ARHGAP26: variants seen among roughly 807,000 people sequenced by gnomAD.
The protein encoded by ARHGAP26 is Rho GTPase activating protein 26.
A neutral mutation model predicts 104.8 loss-of-function variants in ARHGAP26; 38 were observed. That is an observed-to-expected ratio of 0.36 (90% confidence interval 0.28 to 0.48). ARHGAP26 has a LOEUF of 0.48. Ranked by LOEUF, ARHGAP26 falls within the 20% of genes least tolerant of loss-of-function variation. The pLI is 0.99. For missense variants in ARHGAP26, 704 were observed against 947.9 expected (o/e 0.74, Z 3.38); for synonymous variants, 341 against 340.0 (o/e 1.00, Z -0.03).
At chr5:143,020,955 A>G (rs1780266555) in intron 12 of ARHGAP26, among the ~76,000 whole-genome samples, 2 of 152,172 alleles carry the variant, frequency 1.3e-5, no homozygotes, top group Non-Finnish European at 2.9e-5. Flanking sequence ...TAGTGCTTTT[A>G]TAAGAATCCT....
intron 17 of ARHGAP26, among the ~76,000 whole-genome samples, chr5:143,103,831 A>G (rs1012120932): frequency 7.2e-5 from 11 of 152,150 alleles, no homozygotes; most frequent in Admixed American, 3.9e-4. Context: ...CTTGGGAGAA[A>G]TACCTAATGT....
At chr5:142,929,931 G>A (rs1387697015) in intron 10 of ARHGAP26, among the ~76,000 whole-genome samples, 3 of 152,208 alleles carry the variant, frequency 2.0e-5, no homozygotes, top group Admixed American at 2.0e-4. Context: ...GGAACAGGAA[G>A]GAAAAGAGTA....
chr5:143,106,090 G>C (rs567757194), intron 17 of ARHGAP26, among the ~76,000 whole-genome samples: 22 of 152,254 alleles, frequency 1.4e-4, no homozygotes, highest in Non-Finnish European at 2.5e-4. Flanking sequence ...TTTGTTGTTT[G>C]TCTTGTTTCC....
At chr5:142,785,977 A>ATT (rs71576155) in intron 1 of ARHGAP26, among the ~76,000 whole-genome samples, 80 of 138,484 alleles carry the variant, frequency 5.8e-4, no homozygotes, top group African/African-American at 1.9e-3. Context: ...GATCCCTGGT[A>ATT]TTTTTTTTTT....
chr5:142,949,216 AGAGAGGAGAGAGAGAG>A (rs1767857113), intron 11 of ARHGAP26, among the ~76,000 whole-genome samples: 2 of 72,036 alleles, frequency 2.8e-5, no homozygotes, highest in Admixed American at 1.2e-4. Flanking sequence ...AGAGAGAGAG[AGAGAGGAGAGAGAGAG>A]GAGAGAGAGA....
chr5:143,067,042 C>G (rs1043102570), intron 17 of ARHGAP26, among the ~76,000 whole-genome samples: 1 of 151,904 alleles, frequency 6.6e-6, no homozygotes, highest in Non-Finnish European at 1.5e-5. Flanking sequence ...TGCCCCTCCC[C>G]CTCCCGCTTC....
chr5:142,958,049 T>C (rs1562154267), intron 11 of ARHGAP26, among the ~76,000 whole-genome samples: 2 of 152,174 alleles, frequency 1.3e-5, no homozygotes, highest in Admixed American at 6.5e-5. Context: ...TTGAAAAAAC[T>C]GAAAGGACAG....
intron 20 of ARHGAP26, among the ~76,000 whole-genome samples, chr5:143,191,789 A>G (rs956174686): frequency 6.6e-6 from 1 of 152,190 alleles, no homozygotes; most frequent in Non-Finnish European, 1.5e-5. Flanking sequence ...GTTTATGCCC[A>G]ATGTGCCTGT....
At chr5:143,054,415 T>C in intron 14 of ARHGAP26, 24 bp from the exon 15 acceptor site, 2 of 1,560,972 alleles carry the variant, frequency 1.3e-6, no homozygotes, top group Non-Finnish European at 1.8e-6. Context: ...CTGTGCTTTA[T>C]GTATTGTCTT....
intron 12 of ARHGAP26, among the ~76,000 whole-genome samples, chr5:143,021,706 G>A (rs1412789574): frequency 1.3e-5 from 2 of 152,180 alleles, no homozygotes; most frequent in Non-Finnish European, 2.9e-5. Context: ...TGAAAGTTCA[G>A]CACATTAGTA....
At chr5:143,087,937 C>A (rs1790841677) in intron 17 of ARHGAP26, among the ~76,000 whole-genome samples, 1 of 152,146 alleles carries the variant, frequency 6.6e-6, no homozygotes, top group South Asian at 2.1e-4. Context: ...GCATGAGCCA[C>A]CACGCCTGGC....
At chr5:142,861,607 C>T (rs762553310) in intron 1 of ARHGAP26, among the ~76,000 whole-genome samples, 1 of 152,012 alleles carries the variant, frequency 6.6e-6, no homozygotes, top group Non-Finnish European at 1.5e-5. Flanking sequence ...CTTCATTGTC[C>T]TTTCATTTTT....
In ARHGAP26 at chr5:143,122,030, A is replaced by G. The variant is rs149672739; in HGVS notation, c.1698+883A>G. On this transcript the variant is annotated intron_variant, in intron 18 of 22. Transcript: ENST00000645722. The stretch of plus-strand genomic sequence containing the variant: ...TACACTGATAATGTTGTAAGCCACC[A>G]CTACCTCTTGTCTGACTTTTTACAA... Among the ~76,000 whole-genome samples, 13 of 152,230 alleles carry G rather than the reference A, an allele frequency of 8.5e-5. No individual in the cohort carries two copies. The East Asian group carries it at 2.5e-3, about 29-fold the overall frequency.
intron 14 of ARHGAP26, among the ~76,000 whole-genome samples, chr5:143,051,390 C>A (rs1055386474): frequency 1.3e-5 from 2 of 152,188 alleles, no homozygotes; most frequent in African/African-American, 4.8e-5. Flanking sequence ...CCACATGATG[C>A]CTTTTGTACA....
chr5:142,931,948 C>A (rs1764788954), intron 10 of ARHGAP26, 99 bp from the exon 11 acceptor site: 1 of 1,105,768 alleles, frequency 9.0e-7, no homozygotes, highest in Non-Finnish European at 1.4e-6. Context: ...TTAACCTTAG[C>A]AGCCACTGAC....
chr5:143,187,428 C>A (rs1805315707), intron 20 of ARHGAP26, among the ~76,000 whole-genome samples: 1 of 152,192 alleles, frequency 6.6e-6, no homozygotes, highest in Non-Finnish European at 1.5e-5. Flanking sequence ...TGGCATTTCA[C>A]CTGTTTCAAC....
At chr5:143,206,148 C>G (rs1808511329) in intron 20 of ARHGAP26, among the ~76,000 whole-genome samples, 1 of 152,194 alleles carries the variant, frequency 6.6e-6, no homozygotes, top group African/African-American at 2.4e-5. Flanking sequence ...TTGCAGTACG[C>G]TTAGAAAGTC....
At chr5:143,144,416 T>A (rs1177504228) in intron 19 of ARHGAP26, among the ~76,000 whole-genome samples, 3 of 149,718 alleles carry the variant, frequency 2.0e-5, no homozygotes, top group Non-Finnish European at 3.0e-5. Flanking sequence ...TATTATTATT[T>A]TTTAAAGGAG....
intron 17 of ARHGAP26, among the ~76,000 whole-genome samples, chr5:143,058,800 C>T (rs1417433333): frequency 6.6e-6 from 1 of 152,188 alleles, no homozygotes; most frequent in Non-Finnish European, 1.5e-5. Flanking sequence ...TCCACCATTT[C>T]CTCATTTCCA....
Sources: allele counts gnomAD v4.1 joint callset (sites outside exome capture counted in the v4.1 genomes callset), GRCh38; gene constraint gnomAD v4.1.1; transcripts MANE v1.5; gene names NCBI Gene and HGNC (gene_info 2026-07-23, HGNC 2026-07-21).